The following SHISA6 variants were observed in gnomAD, a reference collection of about 807,000 sequenced individuals.
The protein encoded by SHISA6 is shisa family member 6.
In SHISA6, 22 loss-of-function variants were observed where a neutral mutation model predicts 47.9. That is an observed-to-expected ratio of 0.46 (90% CI 0.33 to 0.66). SHISA6 has a LOEUF of 0.66. SHISA6 is among the 30% of genes least tolerant of loss of function. The pLI, the probability that SHISA6 is intolerant of heterozygous loss-of-function variation, is 0.02. For synonymous variants in SHISA6, 388 were observed against 337.8 expected (o/e 1.15, Z -1.63); for missense variants, 680 against 764.6 (o/e 0.89, Z 1.30).
At chr17:11,262,874 C>T (rs1054078431) in intron 1 of SHISA6, among the ~76,000 whole-genome samples, 1 of 152,174 alleles carries the variant, frequency 6.6e-6, no homozygotes, top group African/African-American at 2.4e-5. Context: ...TCACACCCTT[C>T]CTTGATAGCA....
intron 2 of SHISA6, among the ~76,000 whole-genome samples, chr17:11,286,396 C>A (rs1309566176): frequency 3.3e-5 from 5 of 152,152 alleles, no homozygotes; most frequent in Non-Finnish European, 5.9e-5. Context: ...GAAGCCTTAT[C>A]CCCTAAGACT....
At position 11,303,205 on chromosome 17, in the gene SHISA6, TTG is replaced by T. The variant is rs145384262; in HGVS notation, c.799+39695_799+39696del. 3.2e-4 allele frequency among the ~76,000 whole-genome samples: 48 copies of T among 150,836 alleles called. No homozygotes were observed. In the East Asian group the frequency reaches 4.7e-3, roughly 15 times the overall value. On this transcript the variant is annotated intron_variant, in intron 2 of 5. Transcript: ENST00000441885. ...TTTGAGTGTGTGTGCTTGTGTGGTTTTGTGTGTGTGTGTGTGTAAGATTCAGT... is the reference window on the plus strand; with the variant it reads ...TTTGAGTGTGTGTGCTTGTGTGGTTTTGTGTGTGTGTGTGTAAGATTCAGT...
chr17:11,383,992 T>C (rs780407862), intron 3 of SHISA6, among the ~76,000 whole-genome samples: 1 of 151,836 alleles, frequency 6.6e-6, no homozygotes, highest in Non-Finnish European at 1.5e-5. Context: ...GAGCATTTAC[T>C]ATGTACCAGG....
At chr17:11,484,452 G>A (rs1173808351) in intron 3 of SHISA6, among the ~76,000 whole-genome samples, 1 of 152,202 alleles carries the variant, frequency 6.6e-6, no homozygotes, top group Non-Finnish European at 1.5e-5. Context: ...CCAGGCTGGA[G>A]TGCAGTGACA....
At chr17:11,333,576 G>A (rs1219983365) in intron 2 of SHISA6, among the ~76,000 whole-genome samples, 1 of 152,048 alleles carries the variant, frequency 6.6e-6, no homozygotes, top group Non-Finnish European at 1.5e-5. Context: ...GTGCAGTGGT[G>A]TGATTTTGGC....
intron 2 of SHISA6, among the ~76,000 whole-genome samples, chr17:11,313,317 A>T (rs35030489): frequency 0.15 from 23,132 of 152,058 alleles, 2,143 homozygotes; most frequent in East Asian, 0.36. Context: ...TTTAAATACC[A>T]CTTATATGTC....
intron 1 of SHISA6, among the ~76,000 whole-genome samples, chr17:11,255,946 T>G (rs958155593): frequency 2.0e-5 from 3 of 152,236 alleles, no homozygotes; most frequent in Non-Finnish European, 4.4e-5. Flanking sequence ...GTAAGCACTT[T>G]ACAACTATTA....
intron 2 of SHISA6, among the ~76,000 whole-genome samples, chr17:11,306,265 A>G (rs1910105299): frequency 6.6e-6 from 1 of 152,166 alleles, no homozygotes; most frequent in South Asian, 2.1e-4. Flanking sequence ...AAGTGATCTC[A>G]GCCTTCCCCC....
At chr17:11,334,472 A>C (rs1911247805) in intron 2 of SHISA6, among the ~76,000 whole-genome samples, 1 of 152,190 alleles carries the variant, frequency 6.6e-6, no homozygotes, top group Admixed American at 6.5e-5. Context: ...TTGGGCATGC[A>C]GGGAGCAGGG....
At chr17:11,439,939 G>A (rs1442108875) in intron 3 of SHISA6, among the ~76,000 whole-genome samples, 1 of 152,140 alleles carries the variant, frequency 6.6e-6, no homozygotes, top group Non-Finnish European at 1.5e-5. Context: ...CATACTATGG[G>A]GATGGACCCT....
chr17:11,509,147 T>C (rs1217261925), intron 3 of SHISA6, among the ~76,000 whole-genome samples: 1 of 152,110 alleles, frequency 6.6e-6, no homozygotes, highest in Non-Finnish European at 1.5e-5. Flanking sequence ...ATAGTCCAGG[T>C]GAAAGAAGTG....
intron 3 of SHISA6, 182 bp downstream of exon 3, chr17:11,379,691 G>A (rs554967899): frequency 1.6e-4 from 78 of 476,092 alleles, no homozygotes; most frequent in Admixed American, 2.7e-4. Context: ...TCACAGGTGT[G>A]ACTTTAGAGG....
intron 3 of SHISA6, among the ~76,000 whole-genome samples, chr17:11,525,557 C>A (rs1015991848): frequency 7.0e-6 from 1 of 142,918 alleles, no homozygotes; most frequent in Non-Finnish European, 1.5e-5. Flanking sequence ...CGCTTGAACC[C>A]GGGAGGTGGA....
chr17:11,250,244 A>G (rs897767785), intron 1 of SHISA6, among the ~76,000 whole-genome samples: 1 of 152,228 alleles, frequency 6.6e-6, no homozygotes, highest in Non-Finnish European at 1.5e-5. Context: ...GCTCGGGGTC[A>G]GAGCCAGAGT....
intron 3 of SHISA6, among the ~76,000 whole-genome samples, chr17:11,526,925 ATATATATATATT>A (rs1441425415): frequency 1.4e-3 from 37 of 26,538 alleles, no homozygotes; most frequent in African/African-American, 6.3e-3. Flanking sequence ...ATATATATAT[ATATATATATATT>A]ATAATGATCA....
At chr17:11,327,073 G>T (rs947570082) in intron 2 of SHISA6, among the ~76,000 whole-genome samples, 1 of 152,152 alleles carries the variant, frequency 6.6e-6, no homozygotes, top group Admixed American at 6.5e-5. Flanking sequence ...AAGTTTAAGG[G>T]AACCATCCGA....
chr17:11,342,073 C>T (rs1457860562), intron 2 of SHISA6, among the ~76,000 whole-genome samples: 1 of 152,080 alleles, frequency 6.6e-6, no homozygotes, highest in Non-Finnish European at 1.5e-5. Context: ...TCTTGAATGA[C>T]TTCTCTGCCA....
intron 2 of SHISA6, among the ~76,000 whole-genome samples, chr17:11,336,552 C>A (rs1266287221): frequency 6.6e-6 from 1 of 152,156 alleles, no homozygotes; most frequent in African/African-American, 2.4e-5. Flanking sequence ...CTCACTCTGA[C>A]CCTGTGACAA....
chr17:11,380,491 C>T (rs1912972875), intron 3 of SHISA6: 1 of 152,106 alleles, frequency 6.6e-6, no homozygotes, highest in South Asian at 2.1e-4. Context: ...CTAAGAGTTG[C>T]AGAATCAAAC....
Sources: allele counts gnomAD v4.1 joint callset (sites outside exome capture counted in the v4.1 genomes callset), GRCh38; gene constraint gnomAD v4.1.1; transcripts MANE v1.5; gene names NCBI Gene and HGNC (gene_info 2026-07-23, HGNC 2026-07-21).